RAD51: variants seen among roughly 807,000 people sequenced by gnomAD.
The protein encoded by RAD51 is RAD51 recombinase.
A neutral mutation model predicts 41.5 loss-of-function variants in RAD51; 14 were observed. The observed-to-expected ratio is 0.34, with a 90% confidence interval of 0.22 to 0.53. The LOEUF is 0.53. Among genes scored for constraint, RAD51 ranks in the 20% least tolerant of loss-of-function variants. The probability of loss-of-function intolerance (pLI) is 0.95; values close to 1 mark genes in which losing one functional copy is unlikely to be tolerated. For missense variants in RAD51, 234 were observed against 422.0 expected (o/e 0.55, Z 3.90); for synonymous variants, 136 against 148.6 (o/e 0.92, Z 0.62).
intron 3 of RAD51, among the ~76,000 whole-genome samples, chr15:40,703,723 G>C (rs45501498): frequency 6.6e-6 from 1 of 151,148 alleles, no homozygotes; most frequent in African/African-American, 2.4e-5. Context: ...TTTTTTTCTC[G>C]GGCAATGCAG....
intron 5 of RAD51, among the ~76,000 whole-genome samples, chr15:40,710,595 CT>C (rs995543876): frequency 6.6e-6 from 1 of 151,028 alleles, no homozygotes; most frequent in African/African-American, 2.4e-5. Context: ...TGGCAGTCTA[CT>C]TTCTCCATTT....
chr15:40,728,509 C>T (rs1250391410), intron 6 of RAD51, among the ~76,000 whole-genome samples: 2 of 151,944 alleles, frequency 1.3e-5, no homozygotes, highest in Admixed American at 1.3e-4. Context: ...AGGTAGAGCT[C>T]CAGAGTAGTT....
intron 2 of RAD51, among the ~76,000 whole-genome samples, chr15:40,699,215 C>T (rs534961834): frequency 2.6e-5 from 4 of 152,300 alleles, no homozygotes; most frequent in Non-Finnish European, 5.9e-5. Flanking sequence ...GTGATCTCGG[C>T]TCACCGCAAC....
chr15:40,697,228 G>A (rs886530429), intron 1 of RAD51, among the ~76,000 whole-genome samples: 8 of 152,166 alleles, frequency 5.3e-5, no homozygotes, highest in Non-Finnish European at 8.8e-5. Context: ...AGCCTCCCGA[G>A]TAGCTGGGAT....
intron 4 of RAD51, among the ~76,000 whole-genome samples, chr15:40,706,706 C>A (rs7175401): frequency 0.5 from 75,626 of 151,820 alleles, 19,651 homozygotes; most frequent in East Asian, 0.77. Context: ...GTCTCAAAAA[C>A]AAAGAGAGAT....
chr15:40,706,675 CTGGG>C (rs1377911345), intron 4 of RAD51, among the ~76,000 whole-genome samples: 11 of 152,144 alleles, frequency 7.2e-5, no homozygotes, highest in South Asian at 2.1e-4. Context: ...GCACTCCAGC[CTGGG>C]TGACGAGCAA....
Position 40,709,486 on chromosome 15 carries a change from T to G in RAD51, c.435+370T>G, listed in dbSNP as rs534312459. Reference sequence around the variant, plus strand: ...CCTCTCTGGTTCAAGTGATTCTCCTTCATCAACCTCCCGAGTACCTGGGAT... The same window carrying G: ...CCTCTCTGGTTCAAGTGATTCTCCTGCATCAACCTCCCGAGTACCTGGGAT... On this transcript the variant is annotated intron_variant, in intron 5 of 9. Coordinates refer to ENST00000267868, the MANE Select transcript of RAD51 (RefSeq NM_002875.5). Among the ~76,000 whole-genome samples, 5 of 151,462 alleles carry G rather than the reference T, an allele frequency of 3.3e-5. No homozygotes were observed. The South Asian group carries it at 1.1e-3, about 32-fold the overall frequency.
chr15:40,702,906 T>C (rs1895092332), intron 3 of RAD51, among the ~76,000 whole-genome samples: 1 of 151,998 alleles, frequency 6.6e-6, no homozygotes, highest in Admixed American at 6.6e-5. Flanking sequence ...TCACTGCAGC[T>C]TCAGCTTCAA....
intron 5 of RAD51, among the ~76,000 whole-genome samples, chr15:40,712,878 T>TTTC (rs1895777385): frequency 9.7e-5 from 2 of 20,680 alleles, no homozygotes; most frequent in South Asian, 3.1e-3. Context: ...TTTTCTTTTC[T>TTTC]TTTTTTTTTT....
At chr15:40,724,007 A>C (rs1242753134) in intron 6 of RAD51, among the ~76,000 whole-genome samples, 1 of 152,216 alleles carries the variant, frequency 6.6e-6, no homozygotes, top group African/African-American at 2.4e-5. Context: ...GTCAGACTCA[A>C]GTTGGAACCT....
At chr15:40,724,285 A>T (rs754281522) in intron 6 of RAD51, among the ~76,000 whole-genome samples, 4 of 152,188 alleles carry the variant, frequency 2.6e-5, no homozygotes, top group Non-Finnish European at 5.9e-5. Context: ...TACAGCATTC[A>T]TACTTTTAAG....
intron 4 of RAD51, 35 bp from the exon 5 acceptor site, chr15:40,708,990 A>G (rs1260321195): frequency 2.0e-6 from 3 of 1,519,470 alleles, no homozygotes; most frequent in East Asian, 2.3e-5. Flanking sequence ...ACATGTTTGT[A>G]TTATGCTAAG....
intron 1 of RAD51, 134 bp from the exon 2 acceptor site, chr15:40,698,623 C>T (rs1294178381): frequency 1.3e-6 from 1 of 792,106 alleles, no homozygotes; most frequent in East Asian, 2.6e-5. Context: ...AGCAGGAGAA[C>T]AGAGAGGCAC....
chr15:40,700,259 G>C lies in RAD51; in HGVS notation c.88-805G>C, dbSNP rs528190005. 2.5e-4 allele frequency among the ~76,000 whole-genome samples: 38 copies of C among 152,288 alleles called. 1 individual carries two copies. In the South Asian group the frequency reaches 7.7e-3, roughly 31 times the overall value. The stretch of plus-strand genomic sequence containing the variant: ...AAGCTGACTTGAATATAGGAAGAAA[G>C]AGGTGTCTTTGGGTGGTTTGTTTTG... On this transcript the variant is annotated intron_variant, in intron 2 of 9. Coordinates refer to ENST00000267868, the MANE Select transcript of RAD51 (RefSeq NM_002875.5).
Position 40,698,856 on chromosome 15 carries a change from A to G in RAD51, c.87+11A>G. 6.2e-7 allele frequency: 1 copy of G among 1,612,094 alleles called. No individual in the cohort carries two copies. Among genetic ancestry groups the G allele is most frequent in the South Asian group, 1.1e-5 (1 of 91,046 alleles). On this transcript the variant is annotated intron_variant, in intron 2 of 9. Transcript: ENST00000267868. ...ATTTCACGGTTAGAGGTATGTGGTT[A>G]GTTGCTAATTTTGGAATTATATACT...
chr15:40,705,895 C>T (rs535476670), intron 3 of RAD51, among the ~76,000 whole-genome samples: 195 of 152,250 alleles, frequency 1.3e-3, no homozygotes, highest in African/African-American at 4.6e-3. Flanking sequence ...CGTGAGCCAT[C>T]GCACCCGGCC....
intron 5 of RAD51, among the ~76,000 whole-genome samples, chr15:40,710,038 T>C (rs891715027): frequency 2.0e-5 from 3 of 151,730 alleles, no homozygotes; most frequent in Non-Finnish European, 4.4e-5. Context: ...GTCAGGAGAT[T>C]GAGACCATCC....
rs969344469 is a variant in RAD51 at position 40,698,597 on chromosome 15, C to T, written c.-2-160C>T. Among the ~76,000 whole-genome samples the T allele has an allele frequency of 5.3e-5, 8 of 152,280 alleles. No individual in the cohort carries two copies. The South Asian group carries it at 1.4e-3, about 28-fold the overall frequency. On this transcript the variant is annotated intron_variant, in intron 1 of 9. Transcript: ENST00000267868. Reference sequence around the variant, plus strand: ...AAAAATAAGTAAAACTTGGCCCCTACACTGAAGGAATATAAAGCAGGAGAA... The same window carrying T: ...AAAAATAAGTAAAACTTGGCCCCTATACTGAAGGAATATAAAGCAGGAGAA...
At chr15:40,700,110 A>G (rs1894890503) in intron 2 of RAD51, among the ~76,000 whole-genome samples, 1 of 152,196 alleles carries the variant, frequency 6.6e-6, no homozygotes, top group Admixed American at 6.5e-5. Context: ...AATAGCAGAC[A>G]TGGCTTATGT....
Sources: allele counts gnomAD v4.1 joint callset (sites outside exome capture counted in the v4.1 genomes callset), GRCh38; gene constraint gnomAD v4.1.1; transcripts MANE v1.5; gene names NCBI Gene and HGNC (gene_info 2026-07-23, HGNC 2026-07-21).